Variants in TEX14 observed in about 807,000 individuals in gnomAD.
TEX14 encodes the protein inactive serine/threonine-protein kinase TEX14.
In TEX14, 168 loss-of-function variants were observed where a neutral mutation model predicts 178.6. The observed-to-expected ratio is 0.94, with a 90% CI of 0.83 to 1.07. The LOEUF is 1.07. Among genes scored for constraint, TEX14 ranks in the 50% least tolerant of loss-of-function variants. TEX14 has a pLI of 0.00. For missense variants in TEX14, 1,730 were observed against 1,753.6 expected, an observed-to-expected ratio of 0.99 and a Z score of 0.24; for synonymous variants, 626 against 634.1, an observed-to-expected ratio of 0.99 and a Z score of 0.19.
chr17:58,650,633 T>C (rs574735884), intron 2 of TEX14, among the ~76,000 whole-genome samples: 1 of 152,154 alleles, frequency 6.6e-6, no homozygotes, highest in Admixed American at 6.5e-5. Context: ...TTCTTTATTT[T>C]TTATTTTTTG....
intron 1 of TEX14, chr17:58,659,287 T>G: frequency 9.5e-6 from 9 of 950,672 alleles, no homozygotes; most frequent in Non-Finnish European, 1.1e-5. Flanking sequence ...ACAGCGTCTC[T>G]CCCCCGCCAC....
chr17:58,587,007 C>T (rs2044993900), intron 17 of TEX14, among the ~76,000 whole-genome samples: 2 of 152,032 alleles, frequency 1.3e-5, no homozygotes. Context: ...CACCTGTGAC[C>T]CTGAACTAGA....
Position 58,604,888 on chromosome 17 carries a change from A to G in TEX14, c.1336+90T>C, listed in dbSNP as rs566945294. The G allele has an allele frequency of 4.7e-5, 68 of 1,432,462 alleles. 1 individual carries two copies. The South Asian group carries it at 7.7e-4, about 16-fold the overall frequency. The allele number at this position is 1,432,462 out of a possible 1,614,324, so 88.7% of individuals were successfully genotyped here. On this transcript the variant is annotated intron_variant, in intron 11 of 31. Coordinates refer to ENST00000349033, the MANE Select transcript of TEX14 (RefSeq NM_031272.5). Reference sequence around the variant, plus strand: ...GAAGTCTCTTTTTAATAAGTCTTCTATTTTCATAAAAGTCAGTAACTCCTG... The same window carrying G: ...GAAGTCTCTTTTTAATAAGTCTTCTGTTTTCATAAAAGTCAGTAACTCCTG...
chr17:58,661,212 G>C (rs1212574540), intron 1 of TEX14: 2 of 797,658 alleles, frequency 2.5e-6, no homozygotes, highest in Non-Finnish European at 4.6e-6. Context: ...GTCTTGGTTT[G>C]GGGCAGCTCA....
At chr17:58,558,604 GA>G (rs1217495772) in intron 30 of TEX14, among the ~76,000 whole-genome samples, 1 of 152,136 alleles carries the variant, frequency 6.6e-6, no homozygotes, top group Non-Finnish European at 1.5e-5. Flanking sequence ...AGGAAATCAG[GA>G]AGAGGTGAAA....
At chr17:58,565,423 T>G (rs1469648103) in intron 27 of TEX14, among the ~76,000 whole-genome samples, 1 of 152,234 alleles carries the variant, frequency 6.6e-6, no homozygotes, top group Non-Finnish European at 1.5e-5. Flanking sequence ...TTACATATGC[T>G]ATCTCATTCC....
At chr17:58,563,786 A>T (rs2044338485) in intron 28 of TEX14, among the ~76,000 whole-genome samples, 2 of 145,284 alleles carry the variant, frequency 1.4e-5, no homozygotes, top group South Asian at 4.3e-4. Flanking sequence ...ATATATGTAT[A>T]CATATATATG....
intron 19 of TEX14, among the ~76,000 whole-genome samples, chr17:58,584,161 C>T (rs1179370528): frequency 2.0e-5 from 3 of 152,198 alleles, no homozygotes; most frequent in Non-Finnish European, 4.4e-5. Context: ...CTTGCTTTTC[C>T]TACTCCTAAC....
intron 1 of TEX14, among the ~76,000 whole-genome samples, chr17:58,655,770 C>T (rs1423121746): frequency 6.6e-6 from 1 of 152,144 alleles, no homozygotes; most frequent in Non-Finnish European, 1.5e-5. Context: ...CCATGTCTGG[C>T]ACCTCCCTTG....
At chr17:58,629,456 G>GAA (rs969535540) in intron 3 of TEX14, among the ~76,000 whole-genome samples, 13 of 79,764 alleles carry the variant, frequency 1.6e-4, no homozygotes, top group South Asian at 8.1e-4. Flanking sequence ...CATGTGTCAG[G>GAA]AAAAAAAAAA....
chr17:58,577,314 T>C, intron 21 of TEX14, 61 bp downstream of exon 21: 1 of 666,010 alleles, frequency 1.5e-6, no homozygotes, highest in Non-Finnish European at 2.4e-6. Flanking sequence ...CACGGAGCAT[T>C]ATCACCATTT....
rs1454372652 is a variant in TEX14 at position 58,621,770 on chromosome 17, T to A, written c.434A>T (p.Gln145Leu). Residue 145 changes from glutamine (Q) to leucine (L), a missense_variant, in exon 5 of 32, where the codon CAG becomes CTG. By Grantham distance (113) the Gln-to-Leu change is moderately radical. Transcript: ENST00000349033. ...ERSTQIVEFM[Q>L]RCASHMQAII... ...GGCCTGCATGTGTGAGGCACAGCGC[T>A]GCATGAACTCCACTATCTGCAAAAC... 17 of 1,613,616 alleles carry A rather than the reference T, an allele frequency of 1.1e-5. No homozygotes were observed. The highest frequency in any genetic ancestry group is 1.4e-5 in the Non-Finnish European group (16 of 1,179,796).
intron 10 of TEX14, among the ~76,000 whole-genome samples, chr17:58,607,325 C>T (rs1162381362): frequency 1.3e-5 from 2 of 152,180 alleles, no homozygotes; most frequent in African/African-American, 4.8e-5. Flanking sequence ...CCCTTGGTTA[C>T]CTCCTACCCC....
chr17:58,573,230 T>A lies in TEX14; in HGVS notation c.3462A>T (p.Thr1154=). Residue 1154 remains threonine, a synonymous_variant, in exon 23 of 32, where the codon ACA becomes ACT. Coordinates refer to ENST00000349033, the MANE Select transcript of TEX14 (RefSeq NM_031272.5). ...TGGTAGGTGCATGGTTTATTTTGGG[T>A]GTTTTGCATGAAGCTTCCTTAAAAG... is the stretch of plus-strand genomic sequence containing the variant. The part of the protein sequence containing the change: ...DSSFKEASCK[T]PKINHAPTSV... The A allele has an allele frequency of 6.2e-7, 1 of 1,614,154 alleles. No homozygotes were observed. Among genetic ancestry groups the A allele is most frequent in the East Asian group, 2.2e-5 (1 of 44,880 alleles).
intron 17 of TEX14, among the ~76,000 whole-genome samples, chr17:58,587,189 C>A (rs1345179453): frequency 6.6e-6 from 1 of 152,122 alleles, no homozygotes; most frequent in Non-Finnish European, 1.5e-5. Context: ...TTGCTTACAT[C>A]AATTAGCCCA....
intron 3 of TEX14, among the ~76,000 whole-genome samples, chr17:58,625,471 G>GT (rs1465517416): frequency 1.3e-5 from 2 of 152,124 alleles, no homozygotes; most frequent in Non-Finnish European, 2.9e-5. Context: ...CCCACAAACA[G>GT]TAAGAAAGCT....
At chr17:58,557,074 A>G in intron 31 of TEX14, 27 bp from the exon 32 acceptor site, 1 of 1,608,102 alleles carries the variant, frequency 6.2e-7, no homozygotes, top group South Asian at 1.1e-5. Flanking sequence ...TAAAGAACAA[A>G]AAAGGAAGTT....
chr17:58,575,576 T>TA (rs2144376404), intron 21 of TEX14, among the ~76,000 whole-genome samples: 1 of 152,320 alleles, frequency 6.6e-6, no homozygotes, highest in South Asian at 2.1e-4. Context: ...TTGATTTACA[T>TA]AAATGACCAC....
chr17:58,626,441 G>A (rs1598397801), intron 3 of TEX14, among the ~76,000 whole-genome samples: 1 of 152,136 alleles, frequency 6.6e-6, no homozygotes, highest in East Asian at 1.9e-4. Flanking sequence ...ATAGTGGCGT[G>A]TGCCTGTAAT....
Sources: gnomAD v4.1 joint callset for allele counts (sites outside exome capture counted in the v4.1 genomes callset) on GRCh38, gnomAD v4.1.1 for gene constraint, MANE v1.5 for transcripts, NCBI Gene and HGNC (gene_info 2026-07-23, HGNC 2026-07-21) for gene names.